WDR46: variants seen among roughly 807,000 people sequenced by gnomAD.
The protein encoded by WDR46 is WD repeat domain 46.
WDR46 carries 58 observed loss-of-function variants against 74.7 expected under a neutral mutation model. The observed-to-expected ratio is 0.78, with a 90% confidence interval of 0.63 to 0.97. The LOEUF (loss-of-function observed/expected upper bound fraction) is 0.97. Among genes scored for constraint, WDR46 ranks in the 50% least tolerant of loss-of-function variants. The probability of loss-of-function intolerance (pLI) is 0.00; values close to 1 mark genes in which losing one functional copy is unlikely to be tolerated. For synonymous variants in WDR46, 278 were observed against 297.3 expected, an observed-to-expected ratio of 0.93 and a Z score of 0.67; for missense variants, 702 against 790.1, an observed-to-expected ratio of 0.89 and a Z score of 1.34.
At chr6:33,285,725 A>T (rs1766560310) in intron 10 of WDR46, among the ~76,000 whole-genome samples, 1 of 151,968 alleles carries the variant, frequency 6.6e-6, no homozygotes, top group Admixed American at 6.5e-5. Context: ...GAGTTTCGCC[A>T]TGTTGGCCAG....
chr6:33,288,791 G>A lies in WDR46; in HGVS notation c.279+13C>T. On this transcript the variant is annotated intron_variant, in intron 2 of 14. Coordinates refer to ENST00000374617, the MANE Select transcript of WDR46 (RefSeq NM_005452.6). Reference sequence around the variant, plus strand: ...GGCGGCCTGCCTCGCCACCCATCAGGTCCCACGCTCACCCCGGACAAGCCG... The same window carrying A: ...GGCGGCCTGCCTCGCCACCCATCAGATCCCACGCTCACCCCGGACAAGCCG... 6.2e-7 allele frequency: 1 copy of A among 1,613,920 alleles called. No homozygotes were observed. The highest frequency in any genetic ancestry group is 8.5e-7 in the Non-Finnish European group (1 of 1,179,962).
intron 3 of WDR46, 56 bp downstream of exon 3, chr6:33,288,558 A>T (rs1029875604): frequency 9.3e-6 from 15 of 1,606,842 alleles, no homozygotes; most frequent in Non-Finnish European, 1.3e-5. Flanking sequence ...CCTCCATCCA[A>T]CTCACCCAGA....
chr6:33,283,540 C>T (rs1441982210), intron 10 of WDR46, among the ~76,000 whole-genome samples: 3 of 152,140 alleles, frequency 2.0e-5, no homozygotes, highest in South Asian at 2.1e-4. Context: ...CTTTAGGAGG[C>T]GGTGACCTAT....
At position 33,287,451 on chromosome 6, in the gene WDR46, G is replaced by A. The variant is rs748159458; in HGVS notation, c.783C>T (p.Ile261=). The change falls in exon 8 of 15, where the codon ATC becomes ATT. Residue 261 remains isoleucine, a synonymous_variant. Transcript: ENST00000374617. ...LAVAQNRWLH[I]YDNQGIELHC... ...GGAGCTCAATGCCCTGATTGTCATA[G>A]ATGTGGAGCCAGCGGTTCTGAGCAA... 1 of 1,612,868 alleles carries A rather than the reference G, an allele frequency of 6.2e-7. No homozygotes were observed. The highest frequency in any genetic ancestry group is 1.1e-5 in the South Asian group (1 of 90,854).
intron 10 of WDR46, among the ~76,000 whole-genome samples, chr6:33,285,346 G>C (rs1374861087): frequency 6.6e-6 from 1 of 151,958 alleles, no homozygotes; most frequent in Non-Finnish European, 1.5e-5. Flanking sequence ...GGGACTACAG[G>C]CATGCACCAC....
chr6:33,284,418 T>G (rs1766444007), intron 10 of WDR46: 1 of 153,510 alleles, frequency 6.5e-6, no homozygotes, highest in Non-Finnish European at 1.5e-5. Context: ...CAGAGGAAAA[T>G]ACAAATCAGA....
Position 33,288,476 on chromosome 6 carries a change from A to C in WDR46, c.361-6T>G. ...TTGGCTTTAGAATGTGGTAGCTGTA[A>C]CATTGTTGGTGGGGAGGAGTGGCAG... is the stretch of plus-strand genomic sequence containing the variant. On this transcript the variant is annotated splice_region_variant and splice_polypyrimidine_tract_variant and intron_variant, in intron 3 of 14. Transcript: ENST00000374617. 1 of 1,614,062 alleles carries C rather than the reference A, an allele frequency of 6.2e-7. No individual in the cohort carries two copies. Among genetic ancestry groups the C allele is most frequent in the Non-Finnish European group, 8.5e-7 (1 of 1,179,996 alleles).
chr6:33,288,021 A>G lies in WDR46; in HGVS notation c.567T>C (p.Phe189=). 1 of 1,614,160 alleles carries G rather than the reference A, an allele frequency of 6.2e-7. No individual in the cohort carries two copies. The highest frequency in any genetic ancestry group is 2.2e-5 in the East Asian group (1 of 44,872). ...GTCCAAACTGCCGCAGATTCAAGTC[A>G]AAGTGCTGGGAAAGAGAAGAGTGAA... ...AVDIASAAKH[F]DLNLRQFGPY... Residue 189 remains phenylalanine (F), a synonymous_variant, in exon 6 of 15, where the codon TTT becomes TTC. Coordinates refer to ENST00000374617, the MANE Select transcript of WDR46 (RefSeq NM_005452.6).
Position 33,280,699 on chromosome 6 carries a change from C to T in WDR46, c.1404G>A (p.Gly468=), listed in dbSNP as rs905630932. The T allele has an allele frequency of 2.5e-6, 4 of 1,588,350 alleles. No individual in the cohort carries two copies. In the African/African-American group the frequency reaches 5.4e-5, roughly 21 times the overall value. The change falls in exon 11 of 15, where the codon GGG becomes GGA. Residue 468 remains glycine (G), a synonymous_variant. Coordinates refer to ENST00000374617, the MANE Select transcript of WDR46 (RefSeq NM_005452.6). ...CAGGGACCAGCATGCTGGTGATGCC[C>T]CCAGTGTGCCCCACCCCCAGCACAT... ...FEDVLGVGHT[G]GITSMLVPGA...
chr6:33,288,196 T>C lies in WDR46; in HGVS notation c.513A>G (p.Ile171Met). 1 of 1,614,254 alleles carries C rather than the reference T, an allele frequency of 6.2e-7. No individual in the cohort carries two copies. Among genetic ancestry groups the C allele is most frequent in the Non-Finnish European group, 8.5e-7 (1 of 1,180,044 alleles). Residue 171 changes from isoleucine to methionine, a missense_variant, in exon 5 of 15, where the codon ATA (isoleucine) becomes ATG (methionine). By Grantham distance (10) the Ile-to-Met change is conservative. Coordinates refer to ENST00000374617, the MANE Select transcript of WDR46 (RefSeq NM_005452.6). ...CAGCCTCCACAATGTCAGCCTGGCA[T>C]ATCTTTGCTGTGTCTTCCCCATCCT... ...EGEDGEDTAK[I>M]CQADIVEAVD...
At chr6:33,283,665 C>T (rs936851358) in intron 10 of WDR46, among the ~76,000 whole-genome samples, 17 of 151,830 alleles carry the variant, frequency 1.1e-4, no homozygotes, top group African/African-American at 3.4e-4. Flanking sequence ...TTTGGGAGGC[C>T]GAGGTGGGTG....
intron 14 of WDR46, 21 bp downstream of exon 14, chr6:33,279,476 C>T: frequency 6.2e-7 from 1 of 1,611,276 alleles, no homozygotes. Context: ...GAAGGCCCGG[C>T]CCATGCCAAT....
At chr6:33,281,854 G>A (rs1363451999) in intron 10 of WDR46, among the ~76,000 whole-genome samples, 3 of 151,012 alleles carry the variant, frequency 2.0e-5, no homozygotes, top group African/African-American at 7.4e-5. Context: ...TTCTTTTTTT[G>A]AGACAGGGTC....
chr6:33,286,878 C>G lies in WDR46; in HGVS notation c.1032G>C (p.Trp344Cys), dbSNP rs749868173. 1 of 1,614,080 alleles carries G rather than the reference C, an allele frequency of 6.2e-7. No individual in the cohort carries two copies. The highest frequency in any genetic ancestry group is 1.1e-5 in the South Asian group (1 of 91,080). The change falls in exon 10 of 15, where the codon TGG becomes TGC. Residue 344 changes from tryptophan (W) to cysteine (C), a missense_variant. By Grantham distance (215) the Trp-to-Cys change is radical. Coordinates refer to ENST00000374617, the MANE Select transcript of WDR46 (RefSeq NM_005452.6). ...CCAGTGGCTCCTTCATAGCTGGACTCCATAAAGACACAGTACCTGGAAGAG... is the reference window on the plus strand; with the variant it reads ...CCAGTGGCTCCTTCATAGCTGGACTGCATAAAGACACAGTACCTGGAAGAG... ...LGHSNGTVSLWSPAMKEPLAK... is the reference protein window; with the variant it reads ...LGHSNGTVSLCSPAMKEPLAK...
chr6:33,279,517 CCTTCCT>C lies in WDR46; in HGVS notation c.1708_1713del (p.Arg570_Lys571del). Reference sequence around the variant, plus strand: ...TTTACCCTGTGTTCCTCATCCATGACCTTCCTCTTCCTCTTCACCAGGCTTGCCGTG... The same window carrying C: ...TTTACCCTGTGTTCCTCATCCATGACCTTCCTCTTCACCAGGCTTGCCGTG... On this transcript the variant is annotated inframe_deletion, in exon 14 of 15. Coordinates refer to ENST00000374617, the MANE Select transcript of WDR46 (RefSeq NM_005452.6). 2 of 1,613,730 alleles carry C rather than the reference CCTTCCT, an allele frequency of 1.2e-6. No homozygotes were observed. The highest frequency in any genetic ancestry group is 1.3e-5 in the African/African-American group (1 of 75,084).
In WDR46 at chr6:33,279,187, C is replaced by G. The variant is rs1225500989; in HGVS notation, c.*89G>C. The G allele has an allele frequency of 1.9e-6, 3 of 1,558,104 alleles. No individual in the cohort carries two copies. Among genetic ancestry groups the G allele is most frequent in the East Asian group, 2.3e-5 (1 of 44,340 alleles). ...ACCCCCAGTTGGGGAAGGGGCCACA[C>G]TGCCCCCACCTCCTTGTTCCAGGGA... On this transcript the variant is annotated 3_prime_UTR_variant, in exon 15 of 15. Coordinates refer to ENST00000374617, the MANE Select transcript of WDR46 (RefSeq NM_005452.6).
rs1316968870 is a variant in WDR46, at chr6:33,289,133, G to A, written c.38C>T (p.Pro13Leu). The A allele has an allele frequency of 1.2e-6, 2 of 1,612,990 alleles. No homozygotes were observed. The highest frequency in any genetic ancestry group is 8.5e-7 in the Non-Finnish European group (1 of 1,179,592). Residue 13 changes from proline (P) to leucine (L), a missense_variant, in exon 1 of 15, where the codon CCC becomes CTC. By Grantham distance (98) the Pro-to-Leu change is moderately conservative (BLOSUM62 -3). Transcript: ENST00000374617. Reference protein sequence around the residue: ...TAPKPGKDVPPKKDKLQTKRK... With the variant: ...TAPKPGKDVPLKKDKLQTKRK... Reference sequence around the variant, plus strand: ...CTTGGTCTGAAGTTTGTCTTTCTTGGGCGGGACATCCTTGCCCGGCTTGGG... The same window carrying A: ...CTTGGTCTGAAGTTTGTCTTTCTTGAGCGGGACATCCTTGCCCGGCTTGGG...
At chr6:33,285,661 T>A (rs969555041) in intron 10 of WDR46, among the ~76,000 whole-genome samples, 1 of 151,436 alleles carries the variant, frequency 6.6e-6, no homozygotes, top group Non-Finnish European at 1.5e-5. Context: ...GTTGCCGGAA[T>A]TACAGGCCCC....
chr6:33,283,379 C>T (rs1332252284), intron 10 of WDR46, among the ~76,000 whole-genome samples: 1 of 150,906 alleles, frequency 6.6e-6, no homozygotes, highest in Non-Finnish European at 1.5e-5. Flanking sequence ...CCGCTTGAGC[C>T]CAGGAGTTCA....
Sources: gnomAD v4.1 joint callset for allele counts (sites outside exome capture counted in the v4.1 genomes callset) on GRCh38, gnomAD v4.1.1 for gene constraint, MANE v1.5 for transcripts, NCBI Gene and HGNC (gene_info 2026-07-23, HGNC 2026-07-21) for gene names.